KIAA1217: variants seen among roughly 807,000 people sequenced by gnomAD.
KIAA1217 encodes the protein sickle tail protein homolog.
KIAA1217 carries 88 observed loss-of-function variants against 163.9 expected under a neutral mutation model. The observed-to-expected ratio is 0.54, with a 90% CI of 0.45 to 0.64. The LOEUF is 0.64. Among genes scored for constraint, KIAA1217 ranks in the 30% least tolerant of loss-of-function variants. The pLI, the probability that KIAA1217 is intolerant of heterozygous loss-of-function variation, is 0.00. For synonymous variants in KIAA1217, 903 were observed against 923.1 expected (o/e 0.98, Z 0.39); for missense variants, 2,372 against 2,475.0 (o/e 0.96, Z 0.88).
At chr10:23,830,191 C>A (rs1588903389) in intron 1 of KIAA1217, among the ~76,000 whole-genome samples, 1 of 152,122 alleles carries the variant, frequency 6.6e-6, no homozygotes, top group African/African-American at 2.4e-5. Context: ...TAGATCTTCT[C>A]AGAAAAGCAG....
At chr10:23,930,932 C>T (rs972582050) in intron 1 of KIAA1217, among the ~76,000 whole-genome samples, 2 of 152,096 alleles carry the variant, frequency 1.3e-5, no homozygotes, top group South Asian at 2.1e-4. Flanking sequence ...AAGATACACC[C>T]AATTATACAG....
chr10:23,720,981 A>G (rs1485758850), intron 1 of KIAA1217, among the ~76,000 whole-genome samples: 1 of 152,174 alleles, frequency 6.6e-6, no homozygotes, highest in Non-Finnish European at 1.5e-5. Context: ...AACTTAACAA[A>G]AACCTTAAGG....
intron 6 of KIAA1217, among the ~76,000 whole-genome samples, chr10:24,484,054 T>C (rs923565437): frequency 1.3e-5 from 2 of 151,654 alleles, no homozygotes; most frequent in African/African-American, 4.8e-5. Flanking sequence ...TAAGCCTCAG[T>C]GTCTTTTGTC....
chr10:24,339,273 C>T (rs568847027), intron 2 of KIAA1217, among the ~76,000 whole-genome samples: 9 of 152,264 alleles, frequency 5.9e-5, no homozygotes, highest in Admixed American at 1.3e-4. Context: ...ACAATTCAGT[C>T]ATTGAGTATA....
At chr10:23,706,302 C>T (rs769859118) in intron 1 of KIAA1217, among the ~76,000 whole-genome samples, 8 of 152,084 alleles carry the variant, frequency 5.3e-5, no homozygotes, top group Non-Finnish European at 1.2e-4. Flanking sequence ...TCCTGTAATA[C>T]AATGTTAAAC....
In KIAA1217 at chr10:24,474,068, G is replaced by T; in HGVS notation, c.1679+8G>T. 2 of 1,582,112 alleles carry T rather than the reference G, an allele frequency of 1.3e-6. No homozygotes were observed. The highest frequency in any genetic ancestry group is 1.7e-6 in the Non-Finnish European group (2 of 1,163,458). ...CAAAGACAGAGAGACCAGGTAAGGT[G>T]CAGTGAGGGTGACCGAGGGTGGTAC... On this transcript the variant is annotated splice_region_variant and intron_variant, in intron 6 of 20. Transcript: ENST00000376454.
Position 24,497,235 on chromosome 10 carries a change from G to C in KIAA1217, c.1834+2039G>C, listed in dbSNP as rs78994347. ...CTGGCCAAGAGTAAAGGAAAACCCA[G>C]ACTTCCTGGCTACTTATGGAATGTG... On this transcript the variant is annotated intron_variant, in intron 8 of 20. Coordinates refer to ENST00000376454, the MANE Select transcript of KIAA1217 (RefSeq NM_019590.5). Among the ~76,000 whole-genome samples, 1,002 of 152,314 alleles carry C rather than the reference G, an allele frequency of 6.6e-3. 30 individuals are homozygous for C. In the East Asian group the frequency reaches 0.076, roughly 12 times the overall value.
At chr10:23,947,953 A>G (rs1844131094) in intron 1 of KIAA1217, among the ~76,000 whole-genome samples, 1 of 152,198 alleles carries the variant, frequency 6.6e-6, no homozygotes, top group Non-Finnish European at 1.5e-5. Context: ...TCCTTCCAAT[A>G]TTGGTCATTT....
At chr10:23,749,948 T>C (rs1458351155) in intron 1 of KIAA1217, among the ~76,000 whole-genome samples, 1 of 152,184 alleles carries the variant, frequency 6.6e-6, no homozygotes. Context: ...ATTTTCTTTG[T>C]CTCCTGTGTT....
intron 1 of KIAA1217, among the ~76,000 whole-genome samples, chr10:23,982,531 C>T (rs1345055532): frequency 2.9e-4 from 17 of 59,416 alleles, no homozygotes; most frequent in African/African-American, 1.4e-3. Context: ...TTTTTTGTTT[C>T]TCTCTCTCTC....
chr10:24,460,871 G>C (rs1435590500), intron 5 of KIAA1217, among the ~76,000 whole-genome samples: 1 of 152,180 alleles, frequency 6.6e-6, no homozygotes, highest in East Asian at 1.9e-4. Flanking sequence ...AGGAGGAACA[G>C]TGAAGGTAGA....
At chr10:24,005,004 T>C (rs954749227) in intron 1 of KIAA1217, among the ~76,000 whole-genome samples, 5 of 152,172 alleles carry the variant, frequency 3.3e-5, no homozygotes, top group African/African-American at 1.2e-4. Context: ...GCTTAGAACT[T>C]TCTGTCCCAA....
At chr10:24,179,548 C>T (rs1014984938) in intron 2 of KIAA1217, among the ~76,000 whole-genome samples, 2 of 152,144 alleles carry the variant, frequency 1.3e-5, no homozygotes, top group East Asian at 1.9e-4. Flanking sequence ...AATTAAACCT[C>T]TTCTCCCTTT....
At chr10:24,540,556 C>T (rs577183053) in intron 17 of KIAA1217, among the ~76,000 whole-genome samples, 1 of 152,162 alleles carries the variant, frequency 6.6e-6, no homozygotes, top group South Asian at 2.1e-4. Flanking sequence ...ATGGGAATGG[C>T]ACAGGCCATG....
intron 1 of KIAA1217, among the ~76,000 whole-genome samples, chr10:23,714,410 T>C (rs1253637611): frequency 6.6e-6 from 1 of 152,058 alleles, no homozygotes; most frequent in Non-Finnish European, 1.5e-5. Flanking sequence ...GGATGAGAAC[T>C]TGGGCAAATT....
chr10:24,213,826 T>C (rs2068466420), intron 1 of KIAA1217, among the ~76,000 whole-genome samples: 1 of 152,158 alleles, frequency 6.6e-6, no homozygotes, highest in African/African-American at 2.4e-5. Context: ...TAGAGGAATA[T>C]AATGACCTGG....
rs569564397 is a variant in KIAA1217, at chr10:24,392,598, T to C, written c.553+11531T>C. ...GAATATTTGAGAGGCAGATCATTGT[T>C]GAAGACTTGAATGGCAAAAGAGAGT... On this transcript the variant is annotated intron_variant, in intron 3 of 20. Coordinates refer to ENST00000376454, the MANE Select transcript of KIAA1217 (RefSeq NM_019590.5). Among the ~76,000 whole-genome samples, 7 of 152,344 alleles carry C rather than the reference T, an allele frequency of 4.6e-5. 1 individual carries two copies. The highest frequency in any genetic ancestry group is 1.7e-4 in the African/African-American group (7 of 41,572).
intron 1 of KIAA1217, among the ~76,000 whole-genome samples, chr10:23,713,145 T>G (rs1490629730): frequency 1.3e-5 from 2 of 152,116 alleles, no homozygotes; most frequent in African/African-American, 4.8e-5. Flanking sequence ...TGCAGATTAC[T>G]AGGAAGCCAC....
At chr10:23,894,108 C>T (rs1841560008) in intron 1 of KIAA1217, among the ~76,000 whole-genome samples, 1 of 150,604 alleles carries the variant, frequency 6.6e-6, no homozygotes, top group African/African-American at 2.4e-5. Flanking sequence ...CTCACCACTC[C>T]TATTCAACAT....
Sources: gnomAD v4.1 joint callset for allele counts (sites outside exome capture counted in the v4.1 genomes callset) on GRCh38, gnomAD v4.1.1 for gene constraint, MANE v1.5 for transcripts, NCBI Gene and HGNC (gene_info 2026-07-23, HGNC 2026-07-21) for gene names.